Variants in BACE2 observed in about 807,000 individuals in gnomAD.
BACE2 encodes beta-secretase 2.
A neutral mutation model predicts 46.2 loss-of-function variants in BACE2; 17 were observed. The observed-to-expected ratio is 0.37, with a 90% CI of 0.25 to 0.55. BACE2 has a LOEUF of 0.55. Among genes scored for constraint, BACE2 ranks in the 20% least tolerant of loss-of-function variants. The probability of loss-of-function intolerance (pLI) is 0.82; values close to 1 mark genes in which losing one functional copy is unlikely to be tolerated. For synonymous variants in BACE2, 277 were observed against 295.9 expected (o/e 0.94, Z 0.66); for missense variants, 595 against 698.1 (o/e 0.85, Z 1.66).
rs1473526967 is a variant in BACE2, at chr21:41,280,885, G to C, written c.*5261G>C. 1 of 152,232 alleles carries C rather than the reference G, an allele frequency of 6.6e-6. No homozygotes were observed. The highest frequency in any genetic ancestry group is 6.5e-5 in the Admixed American group (1 of 15,278). The allele number at this position is 152,232 out of a possible 1,614,324, so 9.4% of individuals were successfully genotyped here. A position where few individuals can be genotyped will look rare whatever the true frequency, so the allele number is the denominator to read the frequency against. On this transcript the variant is annotated 3_prime_UTR_variant, in exon 9 of 9. Transcript: ENST00000330333. ...ACTGTGTAACTTTTACATCACACTT[G>C]TGTGCTTAAAAAGCACACCGTGGGT...
intron 1 of BACE2, among the ~76,000 whole-genome samples, chr21:41,212,277 C>G (rs905921987): frequency 1.3e-5 from 2 of 152,210 alleles, no homozygotes; most frequent in African/African-American, 4.8e-5. Context: ...TGAGCGAGCG[C>G]TCTCACGTAC....
chr21:41,233,351 C>T (rs955851871), intron 2 of BACE2, among the ~76,000 whole-genome samples: 1 of 151,258 alleles, frequency 6.6e-6, no homozygotes, highest in African/African-American at 2.5e-5. Flanking sequence ...GAAACCGAGG[C>T]ATAGAGAAAT....
intron 4 of BACE2, 81 bp downstream of exon 4, chr21:41,242,028 A>G: frequency 1.3e-6 from 2 of 1,572,656 alleles, no homozygotes; most frequent in Non-Finnish European, 1.7e-6. Context: ...ACACCTGAGC[A>G]GAAATATTAG....
rs138916258 is a variant in BACE2, at chr21:41,194,998, G to A, written c.312+26423G>A. ...GATCTAGACTCTGGTCGTCAGGAACGGGTCAAGGCCTTCACCATGAGAAGA... is the reference window on the plus strand; with the variant it reads ...GATCTAGACTCTGGTCGTCAGGAACAGGTCAAGGCCTTCACCATGAGAAGA... On this transcript the variant is annotated intron_variant, in intron 1 of 8. Transcript: ENST00000330333. 2.3e-3 allele frequency among the ~76,000 whole-genome samples: 343 copies of A among 152,324 alleles called. 5 individuals carry two copies. The highest frequency in any genetic ancestry group is 8.0e-3 in the African/African-American group (331 of 41,580).
At chr21:41,242,925 A>AT (rs917618209) in intron 4 of BACE2, among the ~76,000 whole-genome samples, 30 of 151,506 alleles carry the variant, frequency 2.0e-4, no homozygotes, top group Non-Finnish European at 4.1e-4. Context: ...ATTTATTATT[A>AT]TTTTTTTTAG....
In BACE2 at chr21:41,257,121, T is replaced by C. The variant is rs368751499; in HGVS notation, c.1135-37T>C. 3 of 1,612,816 alleles carry C rather than the reference T, an allele frequency of 1.9e-6. No homozygotes were observed. The African/African-American group carries it at 4.0e-5, about 22-fold the overall frequency. ...TTGTGATACTGCCTGATTTGTGCTTTTTCTTGTTTGTTTGCTCTCTCCTCT... is the reference window on the plus strand; with the variant it reads ...TTGTGATACTGCCTGATTTGTGCTTCTTCTTGTTTGTTTGCTCTCTCCTCT... On this transcript the variant is annotated intron_variant, in intron 7 of 8. Transcript: ENST00000330333.
intron 3 of BACE2, among the ~76,000 whole-genome samples, chr21:41,240,603 G>A (rs1456923729): frequency 2.0e-5 from 3 of 152,222 alleles, no homozygotes; most frequent in Non-Finnish European, 4.4e-5. Context: ...TGTTTGCTTT[G>A]CTTTACCGCC....
chr21:41,254,246 G>T (rs371698496), intron 7 of BACE2, among the ~76,000 whole-genome samples: 13 of 152,180 alleles, frequency 8.5e-5, no homozygotes, highest in African/African-American at 3.1e-4. Flanking sequence ...ACAGCAGCTG[G>T]CAGCCCACAG....
rs368516197 is a variant in BACE2 at position 41,220,668 on chromosome 21, T to C, written c.313-5598T>C. On this transcript the variant is annotated intron_variant, in intron 1 of 8. Coordinates refer to ENST00000330333, the MANE Select transcript of BACE2 (RefSeq NM_012105.5). ...TTGGGGCTGTTGAGCATCTAATATT[T>C]GGATGAAGAACCAGATAATAAATTA... 7.8e-4 allele frequency among the ~76,000 whole-genome samples: 118 copies of C among 151,904 alleles called. 3 individuals are homozygous for C. The South Asian group carries it at 0.019, about 24-fold the overall frequency.
intron 6 of BACE2, 121 bp from the exon 7 acceptor site, chr21:41,250,631 T>C (rs1214469832): frequency 2.3e-6 from 2 of 854,720 alleles, no homozygotes; most frequent in African/African-American, 3.4e-5. Context: ...TGCTGTTCTG[T>C]CCAAATTAAA....
Position 41,225,320 on chromosome 21 carries a change from A to G in BACE2, c.313-946A>G, listed in dbSNP as rs145775734. The stretch of plus-strand genomic sequence containing the variant: ...AAGAGAAATGAGAATATATGTCTGC[A>G]AAAAGACCTGTACAGTGTGTCCATA... On this transcript the variant is annotated intron_variant, in intron 1 of 8. Transcript: ENST00000330333. Among the ~76,000 whole-genome samples, 350 of 152,320 alleles carry G rather than the reference A, an allele frequency of 2.3e-3. 2 individuals carry two copies. The highest frequency in any genetic ancestry group is 6.8e-3 in the African/African-American group (283 of 41,574).
Position 41,246,082 on chromosome 21 carries a change from C to G in BACE2, c.984+19C>G. The G allele has an allele frequency of 6.4e-7, 1 of 1,569,666 alleles. No homozygotes were observed. The highest frequency in any genetic ancestry group is 8.7e-7 in the Non-Finnish European group (1 of 1,154,692). On this transcript the variant is annotated intron_variant, in intron 6 of 8. Coordinates refer to ENST00000330333, the MANE Select transcript of BACE2 (RefSeq NM_012105.5). ...ATCTCTGGTGAGTCCTCGGGACACT[C>G]ACGGGTCCCCGAGTTGCTGAGTTAC...
At chr21:41,246,476 G>A (rs2837987) in intron 6 of BACE2, among the ~76,000 whole-genome samples, 119,930 of 152,142 alleles carry the variant, frequency 0.79, 47,591 homozygotes, top group East Asian at 0.91. Flanking sequence ...ACAATAAATC[G>A]AGAATAAATT....
At chr21:41,259,100 T>G (rs1987863255) in intron 8 of BACE2, among the ~76,000 whole-genome samples, 1 of 152,246 alleles carries the variant, frequency 6.6e-6, no homozygotes, top group Admixed American at 6.5e-5. Flanking sequence ...CACTTAATAC[T>G]GCAGAATCTA....
At chr21:41,251,658 G>A (rs567563980) in intron 7 of BACE2, among the ~76,000 whole-genome samples, 18 of 152,100 alleles carry the variant, frequency 1.2e-4, no homozygotes, top group East Asian at 5.8e-4. Context: ...AAAATTAGCC[G>A]GGCGTGATGG....
intron 1 of BACE2, chr21:41,178,511 G>T: frequency 6.6e-6 from 1 of 152,520 alleles, no homozygotes; most frequent in South Asian, 2.0e-4. Context: ...CGAGGTGGGA[G>T]GATTGCTTGA....
intron 7 of BACE2, among the ~76,000 whole-genome samples, chr21:41,256,605 T>TA (rs2123627826): frequency 6.6e-6 from 1 of 152,278 alleles, no homozygotes; most frequent in South Asian, 2.1e-4. Flanking sequence ...TAGATAAACT[T>TA]AACCAATTAT....
intron 7 of BACE2, among the ~76,000 whole-genome samples, chr21:41,251,732 C>T (rs751481180): frequency 6.7e-6 from 1 of 148,902 alleles, no homozygotes; most frequent in African/African-American, 2.5e-5. Flanking sequence ...ACCTGGGAGG[C>T]GGAGGTTGCA....
chr21:41,276,875 G>A lies in BACE2; in HGVS notation c.*1251G>A, dbSNP rs147180643. 1.3e-5 allele frequency: 2 copies of A among 152,380 alleles called. No individual in the cohort carries two copies. The highest frequency in any genetic ancestry group is 2.9e-5 in the Non-Finnish European group (2 of 68,070). The allele number at this position is 152,380 out of a possible 1,614,324, so 9.4% of individuals were successfully genotyped here. On this transcript the variant is annotated 3_prime_UTR_variant, in exon 9 of 9. Transcript: ENST00000330333. ...CCTCTGTGCTTCTTCCTTTGGGGGT[G>A]TTTAATCTTTGGTAACAGTTGTGCA...
Sources: allele counts gnomAD v4.1 joint callset (sites outside exome capture counted in the v4.1 genomes callset), GRCh38; gene constraint gnomAD v4.1.1; transcripts MANE v1.5; gene names NCBI Gene and HGNC (gene_info 2026-07-23, HGNC 2026-07-21).